DGLUCY: variants seen among roughly 807,000 people sequenced by gnomAD.
The protein encoded by DGLUCY is D-glutamate cyclase.
A neutral mutation model predicts 58.5 loss-of-function variants in DGLUCY; 58 were observed. The ratio of observed to expected loss-of-function variants is 0.99; its 90% CI spans 0.80 to 1.23. The LOEUF is 1.23. Ranked by LOEUF, DGLUCY falls within the 50% of genes most tolerant of loss-of-function variation. The probability of loss-of-function intolerance (pLI) is 0.00; values close to 1 mark genes in which losing one functional copy is unlikely to be tolerated. For missense variants in DGLUCY, 779 were observed against 784.7 expected, an observed-to-expected ratio of 0.99 and a Z score of 0.09; for synonymous variants, 325 against 314.1, an observed-to-expected ratio of 1.03 and a Z score of -0.37.
At chr14:91,153,280 T>A (rs1202373387) in intron 1 of DGLUCY, among the ~76,000 whole-genome samples, 1 of 152,158 alleles carries the variant, frequency 6.6e-6, no homozygotes, top group Non-Finnish European at 1.5e-5. Context: ...CCTCCCTGGT[T>A]CAAGCGAGTC....
chr14:91,099,021 C>T (rs1358577708), intron 1 of DGLUCY, among the ~76,000 whole-genome samples: 1 of 152,174 alleles, frequency 6.6e-6, no homozygotes, highest in Non-Finnish European at 1.5e-5. Context: ...CTGTTCTGCT[C>T]TAGGCACAGA....
chr14:91,167,560 C>T (rs757174628), intron 4 of DGLUCY, 182 bp downstream of exon 4: 1 of 803,014 alleles, frequency 1.2e-6, no homozygotes, highest in Non-Finnish European at 2.1e-6. Context: ...GACTCCTTCC[C>T]CTATCACCTG....
chr14:91,087,314 C>G (rs867925639), intron 1 of DGLUCY, among the ~76,000 whole-genome samples: 1 of 151,950 alleles, frequency 6.6e-6, no homozygotes, highest in South Asian at 2.1e-4. Flanking sequence ...CCTACAGAAC[C>G]CCCCCTGTCT....
chr14:91,096,539 G>T (rs1260318449), intron 1 of DGLUCY, among the ~76,000 whole-genome samples: 1 of 152,170 alleles, frequency 6.6e-6, no homozygotes, highest in African/African-American at 2.4e-5. Context: ...GGAGGAGTTT[G>T]TACAGCTATA....
intron 7 of DGLUCY, 122 bp from the exon 8 acceptor site, chr14:91,181,064 T>A: frequency 2.5e-6 from 2 of 801,158 alleles, no homozygotes; most frequent in South Asian, 3.4e-5. Flanking sequence ...GCAGGTGGTA[T>A]AGGGAGTGCT....
intron 2 of DGLUCY, among the ~76,000 whole-genome samples, 197 bp from the exon 3 acceptor site, chr14:91,160,069 C>CGTT (rs2047890739): frequency 6.6e-6 from 1 of 152,052 alleles, no homozygotes; most frequent in South Asian, 2.1e-4. Flanking sequence ...GGGAAGTTTG[C>CGTT]GTTAGGAATT....
intron 8 of DGLUCY, among the ~76,000 whole-genome samples, chr14:91,188,654 T>C (rs1038125601): frequency 6.6e-6 from 1 of 152,072 alleles, no homozygotes; most frequent in Non-Finnish European, 1.5e-5. Flanking sequence ...AGCAAGGTCC[T>C]ATCTTTTTAA....
intron 1 of DGLUCY, among the ~76,000 whole-genome samples, chr14:91,102,736 AGTGTGTATGTGTGTGTGT>A (rs1365577261): frequency 1.4e-3 from 87 of 60,810 alleles, no homozygotes; most frequent in African/African-American, 4.1e-3. Flanking sequence ...GACCCCTTCC[AGTGTGTATGTGTGTGTGT>A]GTGTGTGTGT....
In DGLUCY at chr14:91,167,314, CT is replaced by C. The variant is rs761250800; in HGVS notation, c.194del (p.Leu65ArgfsTer50). On this transcript the variant is annotated frameshift_variant, in exon 4 of 14. Transcript: ENST00000256324. LOFTEE classifies it high-confidence loss of function. The part of the protein sequence containing the change: ...FCQVNTGPLP[L>X]LGQSEPEKWM... ...CCAGGTCAACACTGGTCCTCTACCC[CT>C]GCTGGGCCAGAGTGAGCCAGAAAAG... The C allele has an allele frequency of 3.1e-6, 5 of 1,614,064 alleles. No homozygotes were observed. The Admixed American group carries it at 8.3e-5, about 27-fold the overall frequency.
chr14:91,111,224 GTGTGTGTGTGTGTGTGTGTGTGTGTA>G (rs1400319254), upstream of DGLUCY, among the ~76,000 whole-genome samples: 2 of 146,390 alleles, frequency 1.4e-5, no homozygotes, highest in East Asian at 2.0e-4. Flanking sequence ...GTGTGTGTGT[GTGTGTGTGTGTGTGTGTGTGTGTGTA>G]TATATCTATA....
chr14:91,172,277 C>A (rs28412577), intron 5 of DGLUCY, among the ~76,000 whole-genome samples: 1 of 151,982 alleles, frequency 6.6e-6, no homozygotes, highest in African/African-American at 2.4e-5. Context: ...CAGGGTTTCG[C>A]TGTATTGCCC....
chr14:91,224,049 A>G (rs1887883002), intron 13 of DGLUCY, among the ~76,000 whole-genome samples: 1 of 152,136 alleles, frequency 6.6e-6, no homozygotes, highest in South Asian at 2.1e-4. Flanking sequence ...CACCCTGGTC[A>G]TTTCTAGAAG....
chr14:91,138,196 A>T (rs962434688), intron 1 of DGLUCY, among the ~76,000 whole-genome samples: 1 of 152,152 alleles, frequency 6.6e-6, no homozygotes, highest in Non-Finnish European at 1.5e-5. Flanking sequence ...TCACACTGCT[A>T]TAAAGAAATA....
chr14:91,063,175 G>A (rs1029296523), intron 1 of DGLUCY, among the ~76,000 whole-genome samples: 4 of 151,810 alleles, frequency 2.6e-5, no homozygotes, highest in African/African-American at 9.7e-5. Flanking sequence ...AAATGAGTAG[G>A]TTTTAACCAG....
At chr14:91,157,245 G>GGGTT (rs2047706508) in intron 1 of DGLUCY, among the ~76,000 whole-genome samples, 1 of 117,570 alleles carries the variant, frequency 8.5e-6, no homozygotes, top group Admixed American at 9.5e-5. Context: ...ATGGATGGAT[G>GGGTT]GATGGATGGA....
intron 8 of DGLUCY, among the ~76,000 whole-genome samples, chr14:91,184,732 C>A (rs2049399052): frequency 6.6e-6 from 1 of 151,878 alleles, no homozygotes; most frequent in African/African-American, 2.4e-5. Flanking sequence ...AGTTGTCTTC[C>A]AATGACAGGG....
chr14:91,205,326 C>T (rs1480644063), intron 12 of DGLUCY, among the ~76,000 whole-genome samples: 1 of 152,156 alleles, frequency 6.6e-6, no homozygotes, highest in Non-Finnish European at 1.5e-5. Flanking sequence ...CCTACTTCTG[C>T]CTTGGGCTGC....
intron 1 of DGLUCY, among the ~76,000 whole-genome samples, chr14:91,099,919 T>C (rs772019117): frequency 2.0e-5 from 3 of 152,070 alleles, no homozygotes; most frequent in Non-Finnish European, 2.9e-5. Context: ...CCGGGCATGG[T>C]GGCACATGCC....
chr14:91,115,452 C>T (rs1014955730), intron 1 of DGLUCY, among the ~76,000 whole-genome samples: 5 of 152,128 alleles, frequency 3.3e-5, no homozygotes, highest in Non-Finnish European at 5.9e-5. Context: ...GAGACGGAGT[C>T]TTGCTGTGTC....
Sources: gnomAD v4.1 joint callset for allele counts (sites outside exome capture counted in the v4.1 genomes callset) on GRCh38, gnomAD v4.1.1 for gene constraint, MANE v1.5 for transcripts, NCBI Gene and HGNC (gene_info 2026-07-23, HGNC 2026-07-21) for gene names.